Variants in ABL1 observed in about 807,000 individuals in gnomAD.
ABL1 encodes the protein tyrosine-protein kinase ABL1.
In ABL1, 11 loss-of-function variants were observed where a neutral mutation model predicts 94.7. The ratio of observed to expected loss-of-function variants is 0.12; its 90% CI spans 0.07 to 0.19. ABL1 has a LOEUF of 0.19. Among genes scored for constraint, ABL1 ranks in the 10% least tolerant of loss-of-function variants. The probability of loss-of-function intolerance (pLI) is 1.00; values close to 1 mark genes in which losing one functional copy is unlikely to be tolerated. For synonymous variants in ABL1, 656 were observed against 622.4 expected (o/e 1.05, Z -0.80); for missense variants, 1,082 against 1,489.4 (o/e 0.73, Z 4.50).
chr9:130,769,539 G>C (rs913304216), intron 1 of ABL1, among the ~76,000 whole-genome samples: 1 of 151,700 alleles, frequency 6.6e-6, no homozygotes. Flanking sequence ...GGGTTTCACC[G>C]TGTTGGCCAG....
Position 130,856,278 on chromosome 9 carries a change from G to A in ABL1, c.549+1182G>A, listed in dbSNP as rs369165631. On this transcript the variant is annotated intron_variant, in intron 3 of 10. Transcript: ENST00000318560. ...TAATTTTGTATTTTTAGTAGAGACAGGGTTTCACCATGTTGGTCAGGCTGG... is the reference window on the plus strand; with the variant it reads ...TAATTTTGTATTTTTAGTAGAGACAAGGTTTCACCATGTTGGTCAGGCTGG... Among the ~76,000 whole-genome samples, 4 of 152,278 alleles carry A rather than the reference G, an allele frequency of 2.6e-5. No homozygotes were observed. The East Asian group carries it at 5.8e-4, about 22-fold the overall frequency.
At chr9:130,843,309 C>T (rs1256363101) in intron 1 of ABL1, among the ~76,000 whole-genome samples, 6 of 152,240 alleles carry the variant, frequency 3.9e-5, no homozygotes, top group South Asian at 2.1e-4. Context: ...AGAGAAGACG[C>T]GGTTGTTCTG....
chr9:130,854,295 G>A (rs905949187), intron 2 of ABL1, 58 bp downstream of exon 2: 25 of 1,574,918 alleles, frequency 1.6e-5, no homozygotes, highest in Admixed American at 7.1e-5. Flanking sequence ...TGGGAATTGC[G>A]GTTTGACCTA....
At chr9:130,752,233 A>C (rs932191795) in intron 1 of ABL1, among the ~76,000 whole-genome samples, 3 of 152,164 alleles carry the variant, frequency 2.0e-5, no homozygotes, top group Non-Finnish European at 4.4e-5. Flanking sequence ...CTAGATGTGA[A>C]TCCTGTCTCT....
chr9:130,787,670 G>A (rs973799307), intron 1 of ABL1, among the ~76,000 whole-genome samples: 3 of 152,200 alleles, frequency 2.0e-5, no homozygotes, highest in Admixed American at 1.3e-4. Flanking sequence ...CCCAGTCGTC[G>A]TCACGAGCAC....
chr9:130,835,510 A>G lies in ABL1; in HGVS notation c.64A>G (p.Ser22Gly). 1 of 1,558,994 alleles carries G rather than the reference A, an allele frequency of 6.4e-7. No individual in the cohort carries two copies. The highest frequency in any genetic ancestry group is 8.7e-7 in the Non-Finnish European group (1 of 1,150,838). Residue 22 changes from serine (S) to glycine (G), a missense_variant, in exon 1 of 11, where the codon AGC (serine) becomes GGC (glycine). Ser to Gly is a moderately conservative substitution (Grantham distance 56, BLOSUM62 0). This residue lies in a region of ABL1 where 65 missense variants were observed against 80.8 expected (regional missense o/e 0.80). Coordinates refer to ENST00000318560, the MANE Select transcript of ABL1 (RefSeq NM_005157.6). The surrounding 1 kb of genome is among the most constrained non-coding windows in gnomAD (Gnocchi z 4.6). ...CAAGAAGGGGCTGTCCTCGTCCTCC[A>G]GCTGTTATCTGGAAGGTAAGCCCGG... Reference protein sequence around the residue: ...KSKKGLSSSSSCYLEEALQRP... With the variant: ...KSKKGLSSSSGCYLEEALQRP...
At chr9:130,722,130 C>T (rs563175254) in intron 1 of ABL1, among the ~76,000 whole-genome samples, 6 of 151,688 alleles carry the variant, frequency 4.0e-5, no homozygotes, top group Non-Finnish European at 5.9e-5. Flanking sequence ...TGGTGGCTCA[C>T]GCCTGTAATC....
chr9:130,816,200 C>T (rs1440798871), intron 1 of ABL1, among the ~76,000 whole-genome samples: 4 of 152,098 alleles, frequency 2.6e-5, no homozygotes, highest in African/African-American at 9.7e-5. Context: ...GTCATCCTCC[C>T]TGCCCAGGGC....
At chr9:130,725,001 G>A (rs981317029) in intron 1 of ABL1, 7 of 292,362 alleles carry the variant, frequency 2.4e-5, no homozygotes, top group African/African-American at 8.7e-5. Flanking sequence ...GCCGCACAAC[G>A]TGTGCATCAT....
At chr9:130,800,773 C>G (rs1057380556) in intron 1 of ABL1, among the ~76,000 whole-genome samples, 1 of 152,098 alleles carries the variant, frequency 6.6e-6, no homozygotes, top group Admixed American at 6.6e-5. Flanking sequence ...GAATATCTCA[C>G]AATTTATCCA....
At chr9:130,845,511 G>A (rs907359492) in intron 1 of ABL1, among the ~76,000 whole-genome samples, 1 of 151,834 alleles carries the variant, frequency 6.6e-6, no homozygotes, top group African/African-American at 2.4e-5. Flanking sequence ...CCAGCTAATT[G>A]TTGTATTTTT....
At chr9:130,745,102 G>T (rs1338231853) in intron 1 of ABL1, among the ~76,000 whole-genome samples, 16 of 150,450 alleles carry the variant, frequency 1.1e-4, no homozygotes, top group Non-Finnish European at 1.8e-4. Flanking sequence ...TTTTTTGAGG[G>T]GGGCAGAGTT....
chr9:130,793,837 G>T (rs999918155), intron 1 of ABL1, among the ~76,000 whole-genome samples: 1 of 152,054 alleles, frequency 6.6e-6, no homozygotes, highest in Non-Finnish European at 1.5e-5. Flanking sequence ...CCTGAGCTCC[G>T]CCTCCTGTCA....
intron 1 of ABL1, among the ~76,000 whole-genome samples, chr9:130,816,141 C>T (rs1830283529): frequency 6.6e-6 from 1 of 152,164 alleles, no homozygotes; most frequent in Non-Finnish European, 1.5e-5. Flanking sequence ...TTCTTGCTGA[C>T]TCTGTTCCTT....
At chr9:130,847,246 A>G (rs1830787400) in intron 1 of ABL1, among the ~76,000 whole-genome samples, 1 of 152,224 alleles carries the variant, frequency 6.6e-6, no homozygotes. Context: ...TATGACTCAG[A>G]AAGGAGGCTG....
Position 130,835,340 on chromosome 9 carries a change from C to A in ABL1, c.-107C>A. The A allele has an allele frequency of 3.3e-6, 1 of 304,964 alleles. No homozygotes were observed. Among genetic ancestry groups the A allele is most frequent in the Non-Finnish European group, 3.7e-6 (1 of 273,478 alleles). The allele number at this position is 304,964 out of a possible 1,614,324, so 18.9% of individuals were successfully genotyped here. On this transcript the variant is annotated 5_prime_UTR_variant, in exon 1 of 11. Transcript: ENST00000318560. The surrounding 1 kb of genome is among the most constrained non-coding windows in gnomAD (Gnocchi z 4.6). Reference sequence around the variant, plus strand: ...GCGGGGCGGCGGTGAGGGCGGCTGGCGGGGCCGGGGGCGCCGGGGGGGCGC... The same window carrying A: ...GCGGGGCGGCGGTGAGGGCGGCTGGAGGGGCCGGGGGCGCCGGGGGGGCGC...
chr9:130,864,082 G>A (rs557417142), intron 4 of ABL1, among the ~76,000 whole-genome samples: 59 of 152,190 alleles, frequency 3.9e-4, no homozygotes, highest in Non-Finnish European at 6.3e-4. Flanking sequence ...CTGGTATGAA[G>A]TGGCTGCTTT....
At chr9:130,730,298 T>A (rs764274590) in intron 1 of ABL1, among the ~76,000 whole-genome samples, 1 of 143,302 alleles carries the variant, frequency 7.0e-6, no homozygotes, top group Non-Finnish European at 1.5e-5. Flanking sequence ...CACCTCGGCC[T>A]CCCAAAGTGC....
At chr9:130,809,430 G>T (rs1427870182) in intron 1 of ABL1, among the ~76,000 whole-genome samples, 2 of 151,284 alleles carry the variant, frequency 1.3e-5, no homozygotes, top group Admixed American at 6.6e-5. Flanking sequence ...GTGTGTGTGT[G>T]TGTGTGTGTG....
Sources: gnomAD v4.1 joint callset for allele counts (sites outside exome capture counted in the v4.1 genomes callset) on GRCh38, gnomAD v4.1.1 for gene constraint, gnomAD v4.1.1 regional missense constraint, Gnocchi (gnomAD v3.1) non-coding constraint, MANE v1.5 for transcripts, NCBI Gene and HGNC (gene_info 2026-07-23, HGNC 2026-07-21) for gene names.